The following APBA2 variants were observed in gnomAD, a reference collection of about 807,000 sequenced individuals.
APBA2 encodes amyloid beta precursor protein binding family A member 2, also known as amyloid-beta A4 precursor protein-binding family A member 2.
APBA2 carries 30 observed loss-of-function variants against 75.0 expected under a neutral mutation model. That is an observed-to-expected ratio of 0.40 (90% confidence interval 0.30 to 0.54). APBA2 has a LOEUF of 0.54. APBA2 is among the 20% of genes least tolerant of loss of function. The pLI is 0.49. For missense variants in APBA2, 801 were observed against 1,016.1 expected, an observed-to-expected ratio of 0.79 and a Z score of 2.88; for synonymous variants, 444 against 409.6, an observed-to-expected ratio of 1.08 and a Z score of -1.01.
intron 2 of APBA2, among the ~76,000 whole-genome samples, chr15:28,954,320 C>T (rs976006989): frequency 2.6e-5 from 4 of 152,176 alleles, no homozygotes; most frequent in African/African-American, 4.8e-5. Context: ...TGAGAATGCT[C>T]CTCCGACCAG....
intron 2 of APBA2, among the ~76,000 whole-genome samples, chr15:28,939,145 A>G (rs112840912): frequency 0.014 from 2,105 of 152,254 alleles, 53 homozygotes; most frequent in African/African-American, 0.048. Context: ...TTCACTTCGC[A>G]TGGTGTCCGT....
At chr15:29,102,374 C>T (rs1235510863) in intron 10 of APBA2, 1 of 159,922 alleles carries the variant, frequency 6.3e-6, no homozygotes, top group African/African-American at 2.4e-5. Context: ...AGGAACTGTC[C>T]TTCCTGGAGG....
At chr15:28,904,379 A>C (rs1215054219) in intron 1 of APBA2, among the ~76,000 whole-genome samples, 2 of 152,182 alleles carry the variant, frequency 1.3e-5, no homozygotes, top group African/African-American at 4.8e-5. Flanking sequence ...TGGACATTAA[A>C]TTTGTTTAGA....
intron 2 of APBA2, among the ~76,000 whole-genome samples, chr15:28,932,813 TG>T (rs2034632677): frequency 6.6e-6 from 1 of 152,172 alleles, no homozygotes; most frequent in African/African-American, 2.4e-5. Flanking sequence ...ATGGGACCTT[TG>T]GGAGGGAGAC....
intron 2 of APBA2, among the ~76,000 whole-genome samples, chr15:28,930,469 C>G (rs534378490): frequency 1.3e-5 from 2 of 152,120 alleles, no homozygotes; most frequent in Non-Finnish European, 2.9e-5. Context: ...GTCCCAGGAA[C>G]ATTGTTGGTC....
At chr15:28,901,911 T>TGTGTGTGTGTGTGTGTGC in intron 1 of APBA2, among the ~76,000 whole-genome samples, 1 of 109,334 alleles carries the variant, frequency 9.1e-6, no homozygotes, top group Non-Finnish European at 2.1e-5. Flanking sequence ...GCTTTTGATG[T>TGTGTGTGTGTGTGTGTGC]GTGTGTGTGT....
chr15:29,069,521 G>T (rs191101793), intron 4 of APBA2, among the ~76,000 whole-genome samples: 1 of 152,346 alleles, frequency 6.6e-6, no homozygotes, highest in East Asian at 1.9e-4. Context: ...AAATTAAGCA[G>T]CCCTGTCACC....
At chr15:29,008,890 C>CT (rs2039264154) in intron 3 of APBA2, among the ~76,000 whole-genome samples, 1 of 152,156 alleles carries the variant, frequency 6.6e-6, no homozygotes, top group Non-Finnish European at 1.5e-5. Flanking sequence ...GTAATTGAAA[C>CT]TATGTTTCTG....
intron 2 of APBA2, among the ~76,000 whole-genome samples, chr15:28,954,530 C>G (rs901545950): frequency 2.6e-5 from 4 of 152,122 alleles, no homozygotes; most frequent in African/African-American, 9.7e-5. Flanking sequence ...AGCTGGTAAC[C>G]CCCCACCATG....
At chr15:29,007,407 C>A (rs895355939) in intron 3 of APBA2, among the ~76,000 whole-genome samples, 1 of 152,144 alleles carries the variant, frequency 6.6e-6, no homozygotes, top group African/African-American at 2.4e-5. Flanking sequence ...AATATAAAAA[C>A]TTCCTCAAAG....
intron 2 of APBA2, among the ~76,000 whole-genome samples, chr15:28,993,695 C>T (rs1432530304): frequency 6.6e-6 from 1 of 152,148 alleles, no homozygotes; most frequent in Admixed American, 6.5e-5. Context: ...CAGTGTGAAG[C>T]CTGTGGGGCT....
At chr15:28,921,085 T>C (rs1208485545) in intron 1 of APBA2, among the ~76,000 whole-genome samples, 4 of 152,118 alleles carry the variant, frequency 2.6e-5, no homozygotes, top group Non-Finnish European at 2.9e-5. Flanking sequence ...GGGGTTTGTT[T>C]AGTGTATTTG....
chr15:28,986,731 T>C (rs2037946962), intron 2 of APBA2, among the ~76,000 whole-genome samples: 1 of 152,138 alleles, frequency 6.6e-6, no homozygotes. Flanking sequence ...CCTCCCAGAG[T>C]GTTCGGATTA....
At chr15:28,959,177 C>T (rs1304231642) in intron 2 of APBA2, among the ~76,000 whole-genome samples, 2 of 152,052 alleles carry the variant, frequency 1.3e-5, no homozygotes, top group African/African-American at 2.4e-5. Context: ...TTAGTGGAGA[C>T]GGGGTTTCAC....
chr15:28,969,130 T>TTCTG (rs1326629210), intron 2 of APBA2, among the ~76,000 whole-genome samples: 1 of 45,426 alleles, frequency 2.2e-5, no homozygotes, highest in Non-Finnish European at 3.2e-5. Context: ...TCATTTCTTT[T>TTCTG]TCTTTCTTTC....
intron 1 of APBA2, among the ~76,000 whole-genome samples, chr15:28,908,315 G>GGTTTTTTTT (rs1555371025): frequency 2.2e-5 from 3 of 137,596 alleles, no homozygotes; most frequent in African/African-American, 9.0e-5. Flanking sequence ...TTGTTTTCTT[G>GGTTTTTTTT]TTTTTTTTTT....
chr15:28,950,599 C>T (rs1394973735), intron 2 of APBA2, among the ~76,000 whole-genome samples: 3 of 151,168 alleles, frequency 2.0e-5, no homozygotes, highest in African/African-American at 7.3e-5. Context: ...TGCACTCCAC[C>T]CTAGGCGACA....
chr15:29,117,198 G>T lies in APBA2; in HGVS notation c.*65G>T. ...GGCCGCCCGGGCCCAGAGGAGCTGG[G>T]AGCCGGGCCGCAGACTTGACCCCGA... On this transcript the variant is annotated 3_prime_UTR_variant, in exon 15 of 15. Coordinates refer to ENST00000683413, the MANE Select transcript of APBA2 (RefSeq NM_001353788.2). 1.3e-6 allele frequency: 2 copies of T among 1,522,506 alleles called. No homozygotes were observed. The highest frequency in any genetic ancestry group is 9.1e-7 in the Non-Finnish European group (1 of 1,099,698). The allele number at this position is 1,522,506 out of a possible 1,614,324, so 94.3% of individuals were successfully genotyped here. A position where few individuals can be genotyped will look rare whatever the true frequency, so the allele number is the denominator to read the frequency against.
Position 28,891,226 on chromosome 15 carries a change from C to T in APBA2, c.-205+4948C>T, listed in dbSNP as rs565617610. Among the ~76,000 whole-genome samples the T allele has an allele frequency of 8.9e-4, 136 of 152,282 alleles. 1 individual carries two copies. In the Middle Eastern group the frequency reaches 0.014, roughly 15 times the overall value. ...AATTTCCCGACAAATCTGGAAGGCA[C>T]GTCTTGTCTTAACTTTGCAACAAGG... On this transcript the variant is annotated intron_variant, in intron 1 of 14. Transcript: ENST00000683413.
Sources: allele counts gnomAD v4.1 joint callset (sites outside exome capture counted in the v4.1 genomes callset), GRCh38; gene constraint gnomAD v4.1.1; transcripts MANE v1.5; gene names NCBI Gene and HGNC (gene_info 2026-07-23, HGNC 2026-07-21).